PM20D1: variants seen among roughly 807,000 people sequenced by gnomAD.
PM20D1 encodes the protein peptidase M20 domain containing 1, also known as N-fatty-acyl-amino acid synthase/hydrolase PM20D1.
PM20D1 carries 53 observed loss-of-function variants against 53.8 expected under a neutral mutation model. The ratio of observed to expected loss-of-function variants is 0.98; its 90% CI spans 0.79 to 1.24. The LOEUF (loss-of-function observed/expected upper bound fraction) is 1.24, where lower values mean the gene tolerates loss of function less well. Ranked by LOEUF, PM20D1 falls within the 50% of genes most tolerant of loss-of-function variation. The pLI is 0.00. For missense variants in PM20D1, 564 were observed against 616.8 expected, an observed-to-expected ratio of 0.91 and a Z score of 0.91; for synonymous variants, 239 against 241.3, an observed-to-expected ratio of 0.99 and a Z score of 0.09.
At chr1:205,832,429 C>T (rs993052100) in intron 11 of PM20D1, among the ~76,000 whole-genome samples, 169 bp downstream of exon 11, 2 of 151,118 alleles carry the variant, frequency 1.3e-5, no homozygotes, top group African/African-American at 2.4e-5. Context: ...TTCCTGTTTG[C>T]GTTCTCACTT....
intron 7 of PM20D1, among the ~76,000 whole-genome samples, 177 bp downstream of exon 7, chr1:205,842,499 T>A (rs1656835716): frequency 6.6e-6 from 1 of 152,206 alleles, no homozygotes; most frequent in African/African-American, 2.4e-5. Context: ...AGAAACACAC[T>A]AACAGCCGTA....
At position 205,841,875 on chromosome 1, in the gene PM20D1, T is replaced by C. The variant is rs375311418; in HGVS notation, c.980A>G (p.Asn327Ser). ...EPLISRFMER[N>S]PLTNAIIRTT... ...CCTGATTATTGCATTGGTTAAGGGA[T>C]TTCTCTCCATAAACCTAAAACAAAA... The change falls in exon 9 of 13, where the codon AAT (asparagine) becomes AGT (serine). Residue 327 changes from asparagine to serine, a missense_variant. Transcript: ENST00000367136. The C allele has an allele frequency of 6.4e-7, 1 of 1,562,538 alleles. No homozygotes were observed. Among genetic ancestry groups the C allele is most frequent in the African/African-American group, 1.4e-5 (1 of 73,484 alleles).
chr1:205,828,797 A>C (rs1226755279), intron 12 of PM20D1, 54 bp from the exon 13 acceptor site: 3 of 1,606,102 alleles, frequency 1.9e-6, no homozygotes, highest in Non-Finnish European at 2.6e-6. Context: ...GTGCCACAGC[A>C]CAAGTGTTAT....
chr1:205,839,910 CAAAAAAA>C (rs567749262), intron 10 of PM20D1, among the ~76,000 whole-genome samples: 6 of 58,088 alleles, frequency 1.0e-4, no homozygotes, highest in East Asian at 1.1e-3. Context: ...GACTCTGACT[CAAAAAAA>C]AAAAAAAAAA....
Position 205,845,368 on chromosome 1 carries a change from AT to A in PM20D1, c.445del (p.Ile149SerfsTer14). The A allele has an allele frequency of 6.2e-7, 1 of 1,614,132 alleles. No individual in the cohort carries two copies. On this transcript the variant is annotated frameshift_variant, in exon 3 of 13. Coordinates refer to ENST00000367136, the MANE Select transcript of PM20D1 (RefSeq NM_152491.5). LOFTEE classifies it high-confidence loss of function. ...GTCCAGTGTGCCCCGACCATAGATGATGCCATCACGCTCCAACCCAGAGAAT... is the reference window on the plus strand; with the variant it reads ...GTCCAGTGTGCCCCGACCATAGATGAGCCATCACGCTCCAACCCAGAGAAT... ...PPFSGLERDG[I>X]IYGRGTLDDK...
At position 205,828,533 on chromosome 1, in the gene PM20D1, A is replaced by G; in HGVS notation, c.*87T>C. 4.5e-6 allele frequency: 7 copies of G among 1,547,250 alleles called. No individual in the cohort carries two copies. Among genetic ancestry groups the G allele is most frequent in the Non-Finnish European group, 6.1e-6 (7 of 1,142,622 alleles). On this transcript the variant is annotated 3_prime_UTR_variant, in exon 13 of 13. Coordinates refer to ENST00000367136, the MANE Select transcript of PM20D1 (RefSeq NM_152491.5). Reference sequence around the variant, plus strand: ...GGCAATGTTTTACAATGTGGTTTTGATCAAAAGTTTCATCAACACTAGCTT... The same window carrying G: ...GGCAATGTTTTACAATGTGGTTTTGGTCAAAAGTTTCATCAACACTAGCTT...
chr1:205,847,033 T>TTC (rs1657006167), intron 2 of PM20D1, among the ~76,000 whole-genome samples: 1 of 138,088 alleles, frequency 7.2e-6, no homozygotes, highest in Non-Finnish European at 1.6e-5. Flanking sequence ...TTTTTTTTTT[T>TTC]CAGAGACAAG....
intron 11 of PM20D1, among the ~76,000 whole-genome samples, chr1:205,831,355 G>A (rs1007441249): frequency 2.2e-4 from 34 of 152,106 alleles, no homozygotes; most frequent in African/African-American, 6.8e-4. Flanking sequence ...TGGCCCCATT[G>A]GTGGATTACA....
rs1327365317 is a variant in PM20D1, at chr1:205,849,919, T to C, written c.154A>G (p.Lys52Glu). 5.0e-6 allele frequency: 8 copies of C among 1,612,708 alleles called. No individual in the cohort carries two copies. Among genetic ancestry groups the C allele is most frequent in the Non-Finnish European group, 6.8e-6 (8 of 1,179,108 alleles). ...QFSKEERVAMKEALKGAIQIP... is the reference protein window; with the variant it reads ...QFSKEERVAMEEALKGAIQIP... ...CCGGGTTCACCTTTCAGCGCCTCTT[T>C]CATCGCGACGCGTTCCTCTTTGCTG... The change falls in exon 1 of 13, where the codon AAA (lysine) becomes GAA (glutamate). Residue 52 changes from lysine (K) to glutamate (E), a missense_variant. By Grantham distance (56) the Lys-to-Glu change is moderately conservative (BLOSUM62 1). Transcript: ENST00000367136.
rs142439282 is a variant in PM20D1 at position 205,849,982 on chromosome 1, C to T, written c.91G>A (p.Gly31Arg). 6.2e-7 allele frequency: 1 copy of T among 1,614,136 alleles called. No individual in the cohort carries two copies. Among genetic ancestry groups the T allele is most frequent in the South Asian group, 1.1e-5 (1 of 91,072 alleles). The part of the protein sequence containing the change: ...TVSRSMGPRS[G>R]EHQRASRIPS... ...ATTCGCGACGCCCTTTGATGCTCCC[C>T]GCTCCTCGGGCCCATCGATCTGGAG... The change falls in exon 1 of 13, where the codon GGG (glycine) becomes AGG (arginine). Residue 31 changes from glycine to arginine, a missense_variant. Physicochemically the swap from Gly to Arg is moderately radical, Grantham distance 125. Transcript: ENST00000367136.
chr1:205,847,397 G>T (rs1657015375), intron 2 of PM20D1, among the ~76,000 whole-genome samples: 1 of 107,368 alleles, frequency 9.3e-6, no homozygotes, highest in African/African-American at 3.7e-5. Flanking sequence ...TACTCAATGG[G>T]TGGTAGGGAT....
chr1:205,828,830 C>A, intron 12 of PM20D1, 87 bp from the exon 13 acceptor site: 1 of 1,516,140 alleles, frequency 6.6e-7, no homozygotes, highest in South Asian at 1.2e-5. Flanking sequence ...CCCTTACTTC[C>A]CTCACCAACC....
In PM20D1 at chr1:205,845,512, A is replaced by G; in HGVS notation, c.302T>C (p.Val101Ala). 1 of 1,614,224 alleles carries G rather than the reference A, an allele frequency of 6.2e-7. No homozygotes were observed. The highest frequency in any genetic ancestry group is 1.7e-5 in the Admixed American group (1 of 60,028). Residue 101 changes from valine to alanine, a missense_variant, in exon 3 of 13, where the codon GTG becomes GCG. Transcript: ENST00000367136. ...AGTGAACAGGTGGCTATACTCTTCC[A>G]CGACTTCATGCTGGATAAAGCTGGT... ...VSTSFIQHEV[V>A]EEYSHLFTIQ...
In PM20D1 at chr1:205,832,633, T is replaced by C; in HGVS notation, c.1250A>G (p.Gln417Arg). 6.2e-7 allele frequency: 1 copy of C among 1,614,166 alleles called. No homozygotes were observed. The highest frequency in any genetic ancestry group is 8.5e-7 in the Non-Finnish European group (1 of 1,180,030). Reference sequence around the variant, plus strand: ...AATATTGACTTCCGGGAAGACGGACTGTACGGTCTGGCGGAGCAGCTGGTA... The same window carrying C: ...AATATTGACTTCCGGGAAGACGGACCGTACGGTCTGGCGGAGCAGCTGGTA... ...LGYQLLRQTVQSVFPEVNITA... is the reference protein window; with the variant it reads ...LGYQLLRQTVRSVFPEVNITA... The change falls in exon 11 of 13, where the codon CAG becomes CGG. Residue 417 changes from glutamine (Q) to arginine (R), a missense_variant. Transcript: ENST00000367136.
intron 1 of PM20D1, among the ~76,000 whole-genome samples, chr1:205,848,474 A>G (rs1034074232): frequency 2.0e-5 from 3 of 152,158 alleles, no homozygotes; most frequent in Admixed American, 6.5e-5. Context: ...TCTGTCAACC[A>G]AGACCAGCTT....
At position 205,830,224 on chromosome 1, in the gene PM20D1, G is replaced by A. The variant is rs375136069; in HGVS notation, c.1385+56C>T. On this transcript the variant is annotated intron_variant, in intron 12 of 12. Coordinates refer to ENST00000367136, the MANE Select transcript of PM20D1 (RefSeq NM_152491.5). The stretch of plus-strand genomic sequence containing the variant: ...TGCCAGGAGCATGGGGTAGGAAAAG[G>A]ACACATCAAGTGTATTTCTTTTCTC... 2.2e-3 allele frequency: 2,889 copies of A among 1,313,854 alleles called. 78 individuals are homozygous for A. In the South Asian group the frequency reaches 0.03, roughly 14 times the overall value. The allele number at this position is 1,313,854 out of a possible 1,614,324, so 81.4% of individuals were successfully genotyped here.
In PM20D1 at chr1:205,840,281, G is replaced by T. The variant is rs369049170; in HGVS notation, c.1087C>A (p.Arg363=). 1.2e-6 allele frequency: 2 copies of T among 1,614,084 alleles called. No individual in the cohort carries two copies. Among genetic ancestry groups the T allele is most frequent in the Non-Finnish European group, 1.7e-6 (2 of 1,179,970 alleles). ...TGGACTGTCTGTCCAGGGTGAATCC[G>T]GAAGTTGACTGTGGCCTGGGCCACT... The part of the protein sequence containing the change: ...PPVAQATVNF[R]IHPGQTVQEV... Residue 363 remains arginine, a synonymous_variant, in exon 10 of 13, where the codon CGG becomes AGG. Coordinates refer to ENST00000367136, the MANE Select transcript of PM20D1 (RefSeq NM_152491.5).
rs765004013 is a variant in PM20D1 at position 205,844,138 on chromosome 1, C to G, written c.656G>C (p.Gly219Ala). The change falls in exon 5 of 13, where the codon GGG (glycine) becomes GCG (alanine). Residue 219 changes from glycine (G) to alanine (A), a missense_variant. Coordinates refer to ENST00000367136, the MANE Select transcript of PM20D1 (RefSeq NM_152491.5). ...AATGAAATCATCCAAGATGAAGCCC[C>G]CCTCGTCCACAATGAAGGCTAGCTG... ...GVQLAFIVDE[G>A]GFILDDFIPN... 1.2e-5 allele frequency: 20 copies of G among 1,613,814 alleles called. No individual in the cohort carries two copies. The highest frequency in any genetic ancestry group is 1.7e-5 in the Non-Finnish European group (20 of 1,179,950).
chr1:205,830,344 TA>T lies in PM20D1; in HGVS notation c.1320del (p.Phe440LeufsTer40), dbSNP rs1656531477. On this transcript the variant is annotated frameshift_variant, in exon 12 of 13. Coordinates refer to ENST00000367136, the MANE Select transcript of PM20D1 (RefSeq NM_152491.5). LOFTEE classifies it high-confidence loss of function. ...TSIGNTDSRF[F>X]TNLTTGIYRF... is the part of the protein sequence containing the mutation. ...CTGTAGATGCCAGTGGTGAGGTTTG[TA>T]AAGAATCGGCTGTCTGTGTTGCCAA... The T allele has an allele frequency of 6.2e-7, 1 of 1,612,880 alleles. No individual in the cohort carries two copies. Among genetic ancestry groups the T allele is most frequent in the Non-Finnish European group, 8.5e-7 (1 of 1,178,938 alleles).
Sources: allele counts gnomAD v4.1 joint callset (sites outside exome capture counted in the v4.1 genomes callset), GRCh38; gene constraint gnomAD v4.1.1; transcripts MANE v1.5; gene names NCBI Gene and HGNC (gene_info 2026-07-23, HGNC 2026-07-21).